SH2B2: variants seen among roughly 807,000 people sequenced by gnomAD.
SH2B2 encodes the protein SH2B adapter protein 2.
A neutral mutation model predicts 35.7 loss-of-function variants in SH2B2; 37 were observed. That is an observed-to-expected ratio of 1.04 (90% CI 0.80 to 1.36). The LOEUF is 1.36. Ranked by LOEUF, SH2B2 falls within the 40% of genes most tolerant of loss-of-function variation. The probability of loss-of-function intolerance (pLI) is 0.00; values close to 1 mark genes in which losing one functional copy is unlikely to be tolerated. For missense variants in SH2B2, 852 were observed against 817.7 expected (o/e 1.04, Z -0.51); for synonymous variants, 383 against 376.4 (o/e 1.02, Z -0.20).
Position 102,294,057 on chromosome 7 carries a change from G to A in SH2B2, c.-29-6465G>A, listed in dbSNP as rs371709115. Among the ~76,000 whole-genome samples the A allele has an allele frequency of 3.9e-5, 6 of 152,310 alleles. No individual in the cohort carries two copies. In the East Asian group the frequency reaches 7.7e-4, roughly 20 times the overall value. On this transcript the variant is annotated intron_variant, in intron 1 of 8. Coordinates refer to ENST00000444095, the MANE Select transcript of SH2B2 (RefSeq NM_001359228.2). The stretch of plus-strand genomic sequence containing the variant: ...TTTCGGTTTGGTTTTTTGAGACAGA[G>A]TCTCGCTCTGTTGCCCAGGCTGGAG...
chr7:102,286,038 G>A (rs937990663), upstream of SH2B2, among the ~76,000 whole-genome samples: 2 of 152,222 alleles, frequency 1.3e-5, no homozygotes, highest in African/African-American at 2.4e-5. Context: ...AAGCCCAGCG[G>A]GACTGTTTCC....
chr7:102,301,862 T>G (rs182038886), intron 2 of SH2B2, among the ~76,000 whole-genome samples: 67 of 152,150 alleles, frequency 4.4e-4, no homozygotes, highest in African/African-American at 1.6e-3. Context: ...TGAGCCACCA[T>G]GTCCAGCCTT....
chr7:102,317,433 A>G lies in SH2B2; in HGVS notation c.1395+38A>G, dbSNP rs1175381901. ...GGGGCGCCATGGGGGTGCAGTGGCC[A>G]GCCCTGAGGGAGAGGGGTCATGGTG... On this transcript the variant is annotated intron_variant, in intron 7 of 8. Coordinates refer to ENST00000444095, the MANE Select transcript of SH2B2 (RefSeq NM_001359228.2). 3.3e-6 allele frequency: 5 copies of G among 1,508,296 alleles called. No homozygotes were observed. In the African/African-American group the frequency reaches 6.9e-5, roughly 21 times the overall value. The allele number at this position is 1,508,296 out of a possible 1,614,324, so 93.4% of individuals were successfully genotyped here.
At chr7:102,311,699 C>G (rs1418455099) in intron 4 of SH2B2, among the ~76,000 whole-genome samples, 1 of 151,948 alleles carries the variant, frequency 6.6e-6, no homozygotes, top group Non-Finnish European at 1.5e-5. Flanking sequence ...CAGTGCTTAG[C>G]TGCACAAGGC....
At position 102,321,635 on chromosome 7, in the gene SH2B2, C is replaced by A. The variant is rs1177212461; in HGVS notation, c.*5C>A. On this transcript the variant is annotated 3_prime_UTR_variant, in exon 9 of 9. Transcript: ENST00000444095. Reference sequence around the variant, plus strand: ...AACCAGTACTCCTTCTACTAGCCCGCGGCGCCGCCCGGGTGGGACACGCCA... The same window carrying A: ...AACCAGTACTCCTTCTACTAGCCCGAGGCGCCGCCCGGGTGGGACACGCCA... The A allele has an allele frequency of 2.6e-6, 3 of 1,139,968 alleles. No individual in the cohort carries two copies. Among genetic ancestry groups the A allele is most frequent in the Non-Finnish European group, 3.2e-6 (3 of 927,546 alleles). The allele number at this position is 1,139,968 out of a possible 1,614,324, so 70.6% of individuals were successfully genotyped here.
At position 102,317,212 on chromosome 7, in the gene SH2B2, C is replaced by G. The variant is rs1216599658; in HGVS notation, c.1212C>G (p.Pro404=). ...NTGEQGAETD[P]EAEPELELSD... Reference sequence around the variant, plus strand: ...GGGAACAGGGTGCAGAGACGGATCCCGAGGCTGAACCCGAGCTGGAGCTAT... The same window carrying G: ...GGGAACAGGGTGCAGAGACGGATCCGGAGGCTGAACCCGAGCTGGAGCTAT... Residue 404 remains proline, a synonymous_variant, in exon 7 of 9, where the codon CCC becomes CCG. Coordinates refer to ENST00000444095, the MANE Select transcript of SH2B2 (RefSeq NM_001359228.2). The G allele has an allele frequency of 6.2e-7, 1 of 1,607,746 alleles. No individual in the cohort carries two copies. Among genetic ancestry groups the G allele is most frequent in the Non-Finnish European group, 8.5e-7 (1 of 1,177,154 alleles).
At chr7:102,285,334 C>G (rs1792400800), upstream of SH2B2, 4 of 1,063,272 alleles carry the variant, frequency 3.8e-6, no homozygotes, top group Admixed American at 8.0e-5. Context: ...ATGGAGCTTC[C>G]CTTTCTCCCA....
At chr7:102,319,424 TG>T (rs1189774176) in intron 7 of SH2B2, among the ~76,000 whole-genome samples, 2 of 152,126 alleles carry the variant, frequency 1.3e-5, no homozygotes, top group Admixed American at 6.5e-5. Flanking sequence ...TTTAAAGGGT[TG>T]GGGGGTATCT....
In SH2B2 at chr7:102,317,331, T is replaced by C; in HGVS notation, c.1331T>C (p.Ile444Thr). ...GGPRNHGLFV[I>T]RQSETRPGEY... ...CCCCGGAACCACGGCCTCTTCGTGATCCGCCAAAGTGAGACTCGGCCTGGG... is the reference window on the plus strand; with the variant it reads ...CCCCGGAACCACGGCCTCTTCGTGACCCGCCAAAGTGAGACTCGGCCTGGG... Residue 444 changes from isoleucine to threonine, a missense_variant, in exon 7 of 9, where the codon ATC (isoleucine) becomes ACC (threonine). Transcript: ENST00000444095. 1 of 1,612,628 alleles carries C rather than the reference T, an allele frequency of 6.2e-7. No individual in the cohort carries two copies. The highest frequency in any genetic ancestry group is 8.5e-7 in the Non-Finnish European group (1 of 1,178,788).
chr7:102,291,209 G>T (rs1421680653), intron 1 of SH2B2, among the ~76,000 whole-genome samples: 1 of 152,228 alleles, frequency 6.6e-6, no homozygotes, highest in Non-Finnish European at 1.5e-5. Flanking sequence ...GCAGACGCCG[G>T]TGCCAGCAGG....
Position 102,301,038 on chromosome 7 carries a change from C to A in SH2B2, c.488C>A (p.Ala163Glu). The part of the protein sequence containing the change: ...HRRASPEPDA[A>E]AAPRTAEPRD... ...CGCGCCTCGCCCGAGCCCGACGCGG[C>A]AGCTGCCCCGCGCACCGCCGAGCCC... The change falls in exon 2 of 9, where the codon GCA (alanine) becomes GAA (glutamate). Residue 163 changes from alanine to glutamate, a missense_variant. By Grantham distance (107) the Ala-to-Glu change is moderately radical. Around this residue, in one of 3 missense-constraint regions of SH2B2, gnomAD observed 294 missense variants for 286.6 expected, o/e 1.03. Transcript: ENST00000444095. The A allele has an allele frequency of 1.5e-6, 2 of 1,374,900 alleles. No individual in the cohort carries two copies. The highest frequency in any genetic ancestry group is 1.9e-6 in the Non-Finnish European group (2 of 1,067,836). 85.2% of individuals were successfully genotyped at this position (1,374,900 alleles called of 1,614,324 possible).
At chr7:102,287,368 G>A (rs989344395) in intron 1 of SH2B2, among the ~76,000 whole-genome samples, 37 of 152,176 alleles carry the variant, frequency 2.4e-4, no homozygotes, top group African/African-American at 8.2e-4. Flanking sequence ...GAGCAGCTGC[G>A]CCCCCGCCCC....
chr7:102,315,248 TAA>T (rs1793779735), intron 6 of SH2B2, among the ~76,000 whole-genome samples: 4 of 152,094 alleles, frequency 2.6e-5, no homozygotes, highest in African/African-American at 9.7e-5. Flanking sequence ...CTCACACCTG[TAA>T]TCCCAGCCAG....
intron 6 of SH2B2, 69 bp from the exon 7 acceptor site, chr7:102,317,118 C>T: frequency 3.1e-6 from 4 of 1,288,846 alleles, no homozygotes; most frequent in South Asian, 2.8e-5. Context: ...CACCTCTCTT[C>T]TCACATTTAT....
At chr7:102,286,096 GC>G (rs1792435117), upstream of SH2B2, among the ~76,000 whole-genome samples, 2 of 152,244 alleles carry the variant, frequency 1.3e-5, no homozygotes, top group Admixed American at 1.3e-4. Flanking sequence ...CTGGAGCCAG[GC>G]AGGGGTGAGG....
intron 7 of SH2B2, 42 bp from the exon 8 acceptor site, chr7:102,320,289 A>C: frequency 1.9e-6 from 3 of 1,542,642 alleles, no homozygotes; most frequent in Non-Finnish European, 2.7e-6. Context: ...CCAGGTGCCC[A>C]GCCCCGGACC....
rs1554558204 is a variant in SH2B2, at chr7:102,320,505, A to G, written c.1567+3A>G. On this transcript the variant is annotated splice_donor_region_variant and intron_variant, in intron 8 of 8. Coordinates refer to ENST00000444095, the MANE Select transcript of SH2B2 (RefSeq NM_001359228.2). ...GCGGGCCCAGGACCCCCCACCAGGT[A>G]AGATGCCGCCACCTGGCTGGTGTGA... 2.3e-5 allele frequency: 37 copies of G among 1,610,024 alleles called. No homozygotes were observed. The highest frequency in any genetic ancestry group is 3.1e-5 in the Non-Finnish European group (37 of 1,178,718).
Position 102,306,718 on chromosome 7 carries a change from C to T in SH2B2, c.730-3C>T. On this transcript the variant is annotated splice_polypyrimidine_tract_variant and splice_region_variant and intron_variant, in intron 2 of 8. Coordinates refer to ENST00000444095, the MANE Select transcript of SH2B2 (RefSeq NM_001359228.2). The stretch of plus-strand genomic sequence containing the variant: ...CACTCACTATCCTTCTTCTGGCCCC[C>T]AGGCCTCCAGGCCCAAGGTCAGCAT... 2 of 1,583,370 alleles carry T rather than the reference C, an allele frequency of 1.3e-6. No homozygotes were observed. Among genetic ancestry groups the T allele is most frequent in the Non-Finnish European group, 1.7e-6 (2 of 1,164,754 alleles).
chr7:102,309,375 T>C, intron 4 of SH2B2: 1 of 343,056 alleles, frequency 2.9e-6, no homozygotes, highest in Non-Finnish European at 5.7e-6. Context: ...TTTTTTTTTT[T>C]TTTGAGACAG....
Sources: gnomAD v4.1 joint callset for allele counts (sites outside exome capture counted in the v4.1 genomes callset) on GRCh38, gnomAD v4.1.1 for gene constraint, gnomAD v4.1.1 regional missense constraint, MANE v1.5 for transcripts, NCBI Gene and HGNC (gene_info 2026-07-23, HGNC 2026-07-21) for gene names.